MTA3: variants seen among roughly 807,000 people sequenced by gnomAD.
MTA3 encodes the protein metastasis associated 1 family member 3, also known as metastasis-associated protein MTA3.
A neutral mutation model predicts 83.5 loss-of-function variants in MTA3; 34 were observed. The ratio of observed to expected loss-of-function variants is 0.41; its 90% CI spans 0.31 to 0.54. The LOEUF (loss-of-function observed/expected upper bound fraction) is 0.54. Among genes scored for constraint, MTA3 ranks in the 20% least tolerant of loss-of-function variants. MTA3 has a pLI of 0.33. For missense variants in MTA3, 761 were observed against 726.4 expected, an observed-to-expected ratio of 1.05 and a Z score of -0.55; for synonymous variants, 303 against 252.7, an observed-to-expected ratio of 1.20 and a Z score of -1.89.
chr2:42,552,015 C>T (rs529944253), intron 2 of MTA3, among the ~76,000 whole-genome samples: 3 of 152,194 alleles, frequency 2.0e-5, no homozygotes, highest in African/African-American at 4.8e-5. Context: ...TGTGAGCCAC[C>T]GTGCCTGGCC....
At chr2:42,722,764 G>T (rs1374044216) in intron 15 of MTA3, 125 bp from the exon 16 acceptor site, 3 of 1,130,808 alleles carry the variant, frequency 2.7e-6, no homozygotes, top group African/African-American at 1.6e-5. Context: ...CAAGTCCTTG[G>T]CTGGCTCAGG....
At chr2:42,730,175 A>C (rs1416753809) in intron 16 of MTA3, among the ~76,000 whole-genome samples, 1 of 152,146 alleles carries the variant, frequency 6.6e-6, no homozygotes, top group Non-Finnish European at 1.5e-5. Flanking sequence ...AAACAAGGAT[A>C]ATTTGACTCC....
rs1039977381 is a variant in MTA3, at chr2:42,508,927, A to G, written c.-141+13673A>G. 2.7e-5 allele frequency among the ~76,000 whole-genome samples: 4 copies of G among 149,826 alleles called. 1 individual carries two copies. The highest frequency in any genetic ancestry group is 4.2e-4 in the South Asian group (2 of 4,798). On this transcript the variant is annotated intron_variant, in intron 2 of 17. Transcript: ENST00000405592. ...ACATATAGTATATATGTTGGGGGAA[A>G]GGGGTTATACATCTCTGTACCTTCC...
chr2:42,560,583 A>G (rs1028406493), intron 2 of MTA3, among the ~76,000 whole-genome samples: 2 of 150,690 alleles, frequency 1.3e-5, no homozygotes, highest in Middle Eastern at 3.2e-3. Flanking sequence ...CAAAACAAAA[A>G]ACAAACAAAA....
At chr2:42,642,644 GTTTT>G (rs1198386196) in intron 5 of MTA3, among the ~76,000 whole-genome samples, 1 of 135,746 alleles carries the variant, frequency 7.4e-6, no homozygotes, top group Non-Finnish European at 1.6e-5. Flanking sequence ...TGTTAAGTTG[GTTTT>G]TTTTTTTTTT....
At chr2:42,673,070 C>T (rs951934895) in intron 8 of MTA3, among the ~76,000 whole-genome samples, 1 of 151,872 alleles carries the variant, frequency 6.6e-6, no homozygotes, top group Non-Finnish European at 1.5e-5. Context: ...TGGGCTTGAA[C>T]TCCTGACCTC....
chr2:42,592,865 A>C (rs535756950), intron 3 of MTA3, among the ~76,000 whole-genome samples: 3 of 152,178 alleles, frequency 2.0e-5, no homozygotes, highest in Admixed American at 6.5e-5. Flanking sequence ...CTAAGACAAC[A>C]ATAGGCCAGG....
chr2:42,545,862 T>C (rs7582648), intron 2 of MTA3, among the ~76,000 whole-genome samples: 54,746 of 151,998 alleles, frequency 0.36, 9,957 homozygotes, highest in South Asian at 0.41. Flanking sequence ...CCATACTTCC[T>C]ACTGTGCCAC....
intron 8 of MTA3, among the ~76,000 whole-genome samples, chr2:42,666,319 G>T (rs1250671292): frequency 6.6e-6 from 1 of 152,092 alleles, no homozygotes; most frequent in East Asian, 1.9e-4. Context: ...ATTTTATTTT[G>T]CTACCTCCTA....
chr2:42,545,961 T>A (rs774642413), intron 2 of MTA3, among the ~76,000 whole-genome samples: 1 of 152,142 alleles, frequency 6.6e-6, no homozygotes, highest in Non-Finnish European at 1.5e-5. Context: ...CCAGAAAGAT[T>A]TCAAGAAATG....
chr2:42,594,728 ATTT>A (rs1211133796), intron 3 of MTA3, among the ~76,000 whole-genome samples: 1 of 24,044 alleles, frequency 4.2e-5, no homozygotes, highest in African/African-American at 2.2e-4. Context: ...ATATATATAT[ATTT>A]TTTTTTTTTT....
chr2:42,583,529 T>G (rs1245431199), intron 3 of MTA3, among the ~76,000 whole-genome samples: 1 of 152,150 alleles, frequency 6.6e-6, no homozygotes, highest in Non-Finnish European at 1.5e-5. Context: ...ACTCTTCTCA[T>G]TATGGACTTT....
At chr2:42,500,234 A>C (rs983591589) in intron 2 of MTA3, among the ~76,000 whole-genome samples, 2 of 152,084 alleles carry the variant, frequency 1.3e-5, no homozygotes, top group Non-Finnish European at 2.9e-5. Context: ...CCCCATCTGT[A>C]CTCAAAATAC....
chr2:42,518,161 A>G (rs1346721116), intron 2 of MTA3, among the ~76,000 whole-genome samples: 3 of 152,184 alleles, frequency 2.0e-5, no homozygotes. Context: ...AGCCTGGGTG[A>G]CAGAGTGAAA....
At chr2:42,526,432 G>C (rs1405109374) in intron 2 of MTA3, among the ~76,000 whole-genome samples, 1 of 152,090 alleles carries the variant, frequency 6.6e-6, no homozygotes, top group Non-Finnish European at 1.5e-5. Flanking sequence ...AGCCCCCAGG[G>C]TCCTGCCAAG....
intron 8 of MTA3, among the ~76,000 whole-genome samples, chr2:42,660,618 T>C (rs1399107761): frequency 6.6e-6 from 1 of 152,216 alleles, no homozygotes; most frequent in African/African-American, 2.4e-5. Flanking sequence ...TTGATTCCTG[T>C]TACCCCTTGT....
At chr2:42,639,539 A>G (rs1687514045) in intron 4 of MTA3, among the ~76,000 whole-genome samples, 1 of 152,158 alleles carries the variant, frequency 6.6e-6, no homozygotes, top group African/African-American at 2.4e-5. Context: ...TTAGTTTCCA[A>G]GCTCAGATCA....
Position 42,640,209 on chromosome 2 carries a change from A to G in MTA3, c.354A>G (p.Glu118=). ...KCSVALLNET[E]SVLSYLDKED... ...GTGTTGCCCTTCTGAATGAGACAGAATCAGTATTGTCATATCTTGATAAGG... is the reference window on the plus strand; with the variant it reads ...GTGTTGCCCTTCTGAATGAGACAGAGTCAGTATTGTCATATCTTGATAAGG... The change falls in exon 5 of 17, where the codon GAA becomes GAG. Residue 118 remains glutamate, a synonymous_variant. Transcript: ENST00000405094. The G allele has an allele frequency of 6.2e-7, 1 of 1,608,694 alleles. No homozygotes were observed. Among genetic ancestry groups the G allele is most frequent in the Non-Finnish European group, 8.5e-7 (1 of 1,178,128 alleles).
rs879922184 is a variant in MTA3 at position 42,607,064 on chromosome 2, AGGTAGG to A, written c.191-2364_191-2359del. Among the ~76,000 whole-genome samples the A allele has an allele frequency of 5.5e-3, 714 of 128,716 alleles. 9 individuals carry two copies. The highest frequency in any genetic ancestry group is 0.022 in the Middle Eastern group (6 of 276). 84.4% of individuals were successfully genotyped at this position (128,716 alleles called of 152,430 possible). A position where few individuals can be genotyped will look rare whatever the true frequency, so the allele number is the denominator to read the frequency against. On this transcript the variant is annotated intron_variant, in intron 3 of 16. Coordinates refer to ENST00000405094, the MANE Select transcript of MTA3 (RefSeq NM_001330442.2). ...CGCATGAGAGGGAGACCGGAGGTAG[AGGTAGG>A]GGTAGGGGTAGGGGTAGGGGTAGGG...
Sources: allele counts gnomAD v4.1 joint callset (sites outside exome capture counted in the v4.1 genomes callset), GRCh38; gene constraint gnomAD v4.1.1; transcripts MANE v1.5; gene names NCBI Gene and HGNC (gene_info 2026-07-23, HGNC 2026-07-21).